CSMD1: variants seen among roughly 807,000 people sequenced by gnomAD.
CSMD1 encodes the protein CUB and sushi domain-containing protein 1.
Under a neutral mutation model 417.5 loss-of-function variants are expected in CSMD1, and 213 were observed. The observed-to-expected ratio is 0.51, with a 90% CI of 0.46 to 0.57. The LOEUF (loss-of-function observed/expected upper bound fraction) is 0.57. CSMD1 is among the 20% of genes least tolerant of loss of function. The pLI is 0.00. For synonymous variants in CSMD1, 2,862 were observed against 1,736.8 expected, an observed-to-expected ratio of 1.65 and a Z score of -16.11; for missense variants, 6,923 against 4,529.7, an observed-to-expected ratio of 1.53 and a Z score of -15.17.
intron 1 of CSMD1, among the ~76,000 whole-genome samples, chr8:4,927,616 A>G (rs1806957968): frequency 1.3e-5 from 2 of 152,218 alleles, no homozygotes; most frequent in South Asian, 4.1e-4. Flanking sequence ...TCCTAAACTG[A>G]CGAAAGACAA....
At chr8:4,199,918 G>A (rs1052615636) in intron 3 of CSMD1, among the ~76,000 whole-genome samples, 1 of 152,102 alleles carries the variant, frequency 6.6e-6, no homozygotes, top group East Asian at 1.9e-4. Context: ...ATTTTGTGGT[G>A]AAGTACGGTT....
At chr8:3,530,985 T>C (rs931491640) in intron 10 of CSMD1, among the ~76,000 whole-genome samples, 1 of 151,882 alleles carries the variant, frequency 6.6e-6, no homozygotes, top group African/African-American at 2.4e-5. Flanking sequence ...CCTGAGTAGC[T>C]GGGACTGCAG....
chr8:4,367,007 C>G (rs886446976), intron 3 of CSMD1, among the ~76,000 whole-genome samples: 2 of 152,144 alleles, frequency 1.3e-5, no homozygotes, highest in Admixed American at 1.3e-4. Flanking sequence ...TCTGCTTACT[C>G]TGTTGATAAC....
intron 4 of CSMD1, among the ~76,000 whole-genome samples, chr8:4,013,723 T>C (rs1796389175): frequency 6.6e-6 from 1 of 152,234 alleles, no homozygotes. Context: ...CTACAACAAA[T>C]GTTGGCGAAC....
chr8:3,749,091 G>T (rs775385156), intron 6 of CSMD1, among the ~76,000 whole-genome samples: 4 of 152,162 alleles, frequency 2.6e-5, no homozygotes, highest in Non-Finnish European at 4.4e-5. Flanking sequence ...GGCCCTCATG[G>T]TTCAAGATTA....
intron 17 of CSMD1, among the ~76,000 whole-genome samples, chr8:3,391,067 G>C (rs1411214356): frequency 6.6e-6 from 1 of 152,174 alleles, no homozygotes; most frequent in Non-Finnish European, 1.5e-5. Flanking sequence ...GTGAGTGTTA[G>C]CATGCATGGG....
rs570409758 is a variant in CSMD1 at position 4,379,741 on chromosome 8, T to C, written c.415+40212A>G. Among the ~76,000 whole-genome samples the C allele has an allele frequency of 2.7e-4, 41 of 152,076 alleles. 1 individual carries two copies. Among genetic ancestry groups the C allele is most frequent in the African/African-American group, 9.6e-4 (40 of 41,502 alleles). On this transcript the variant is annotated intron_variant, in intron 3 of 69. Transcript: ENST00000635120. The stretch of plus-strand genomic sequence containing the variant: ...AATGAAGCAACAGTGGCAGAAAGTA[T>C]GATAAATGAGAAAAATCTATGGCCC...
At chr8:3,015,623 C>G (rs1376257521) in intron 52 of CSMD1, among the ~76,000 whole-genome samples, 6 of 151,832 alleles carry the variant, frequency 4.0e-5, no homozygotes, top group Admixed American at 6.6e-5. Flanking sequence ...TATATATCTC[C>G]TTACCAACTG....
In CSMD1 at chr8:4,221,759, T is replaced by C. The variant is rs114188482; in HGVS notation, c.416-189660A>G. On this transcript the variant is annotated intron_variant, in intron 3 of 69. Transcript: ENST00000635120. ...CTATGGGATGCTGGGCTAGCCTACA[T>C]TGAGATTAAAAGAAAATATACATTC... is the stretch of plus-strand genomic sequence containing the variant. Among the ~76,000 whole-genome samples, 1,253 of 152,280 alleles carry C rather than the reference T, an allele frequency of 8.2e-3. 12 individuals are homozygous for C. The highest frequency in any genetic ancestry group is 0.028 in the African/African-American group (1,159 of 41,556).
intron 25 of CSMD1, among the ~76,000 whole-genome samples, chr8:3,289,265 T>G (rs1280744979): frequency 1.4e-5 from 2 of 147,326 alleles, no homozygotes; most frequent in African/African-American, 2.7e-5. Context: ...TTTGCTATTG[T>G]GAATAGTGCC....
At chr8:3,056,234 G>C (rs1812209514) in intron 49 of CSMD1, among the ~76,000 whole-genome samples, 1 of 152,196 alleles carries the variant, frequency 6.6e-6, no homozygotes, top group African/African-American at 2.4e-5. Flanking sequence ...TTTCAAAAAA[G>C]TAAGTAGAAG....
intron 5 of CSMD1, among the ~76,000 whole-genome samples, chr8:3,959,971 A>G (rs1184953528): frequency 6.6e-6 from 1 of 152,186 alleles, no homozygotes; most frequent in African/African-American, 2.4e-5. Flanking sequence ...CATTTACGAA[A>G]TAACAAAGAG....
chr8:4,483,823 A>G (rs1278841998), intron 2 of CSMD1, among the ~76,000 whole-genome samples: 2 of 152,190 alleles, frequency 1.3e-5, no homozygotes, highest in Non-Finnish European at 2.9e-5. Flanking sequence ...AGGTTTCAAA[A>G]ACTCTAGAAA....
At chr8:3,681,289 C>T (rs1176010929) in intron 7 of CSMD1, among the ~76,000 whole-genome samples, 1 of 152,200 alleles carries the variant, frequency 6.6e-6, no homozygotes, top group African/African-American at 2.4e-5. Flanking sequence ...TTTAGAAAAC[C>T]CCATCATCTC....
At position 2,998,069 on chromosome 8, in the gene CSMD1, C is replaced by T. The variant is rs1220935011; in HGVS notation, c.8319G>A (p.Val2773=). 2 of 1,614,012 alleles carry T rather than the reference C, an allele frequency of 1.2e-6. No homozygotes were observed. The highest frequency in any genetic ancestry group is 1.7e-6 in the Non-Finnish European group (2 of 1,179,874). Residue 2773 remains valine (V), a synonymous_variant, in exon 54 of 70, where the codon GTG becomes GTA. Coordinates refer to ENST00000635120, the MANE Select transcript of CSMD1 (RefSeq NM_033225.6). ...TCNTGYLLQG[V]SRAQCRSNGQ... ...CGTTGCTCCGACACTGGGCTCGAGA[C>T]ACGCCCTGCAGCAAATAGCCCGTGT...
intron 3 of CSMD1, among the ~76,000 whole-genome samples, chr8:4,102,518 A>G (rs1229718827): frequency 6.6e-6 from 1 of 152,136 alleles, no homozygotes. Flanking sequence ...CTTAGCGACA[A>G]TGGGGAGGCT....
chr8:3,455,233 T>C (rs1185426689), intron 12 of CSMD1, among the ~76,000 whole-genome samples: 1 of 152,150 alleles, frequency 6.6e-6, no homozygotes, highest in Non-Finnish European at 1.5e-5. Context: ...TTCAAGGTTT[T>C]TAACTTCTTT....
chr8:3,991,437 T>C (rs1374936541), intron 5 of CSMD1, among the ~76,000 whole-genome samples: 1 of 152,180 alleles, frequency 6.6e-6, no homozygotes, highest in Admixed American at 6.5e-5. Flanking sequence ...CATGGTAACA[T>C]CAGCTTGTCA....
intron 3 of CSMD1, among the ~76,000 whole-genome samples, chr8:4,306,292 A>T (rs76330523): frequency 2.0e-5 from 3 of 151,916 alleles, no homozygotes; most frequent in Admixed American, 6.6e-5. Context: ...AATAGACACT[A>T]AATAATATAT....
Sources: allele counts gnomAD v4.1 joint callset (sites outside exome capture counted in the v4.1 genomes callset), GRCh38; gene constraint gnomAD v4.1.1; transcripts MANE v1.5; gene names NCBI Gene and HGNC (gene_info 2026-07-23, HGNC 2026-07-21).